The following PTPRZ1 variants were observed in gnomAD, a reference collection of about 807,000 sequenced individuals.
PTPRZ1 encodes the protein receptor-type tyrosine-protein phosphatase zeta.
PTPRZ1 carries 82 observed loss-of-function variants against 214.1 expected under a neutral mutation model. The ratio of observed to expected loss-of-function variants is 0.38; its 90% CI spans 0.32 to 0.46. PTPRZ1 has a LOEUF of 0.46. PTPRZ1 is among the 20% of genes least tolerant of loss of function. The pLI, the probability that PTPRZ1 is intolerant of heterozygous loss-of-function variation, is 1.00. For synonymous variants in PTPRZ1, 945 were observed against 987.9 expected (o/e 0.96, Z 0.81); for missense variants, 2,603 against 2,748.7 (o/e 0.95, Z 1.19).
intron 25 of PTPRZ1, 47 bp from the exon 26 acceptor site, chr7:122,053,863 T>C: frequency 6.2e-7 from 1 of 1,603,776 alleles, no homozygotes; most frequent in Non-Finnish European, 8.5e-7. Context: ...TCTGAATGTT[T>C]AAAGGCATAC....
At chr7:121,970,646 GTTGT>G (rs1390310235) in intron 3 of PTPRZ1, among the ~76,000 whole-genome samples, 5 of 152,108 alleles carry the variant, frequency 3.3e-5, no homozygotes, top group African/African-American at 9.7e-5. Context: ...TTTTGATGGG[GTTGT>G]TTGTTTTTTT....
chr7:122,051,650 T>C (rs907320891), intron 24 of PTPRZ1, 129 bp downstream of exon 24: 2 of 874,650 alleles, frequency 2.3e-6, no homozygotes, highest in Non-Finnish European at 3.6e-6. Context: ...TTGTCCAATA[T>C]GTAACTGTTC....
At chr7:122,043,727 G>A (rs1324128361) in intron 22 of PTPRZ1, among the ~76,000 whole-genome samples, 2 of 152,094 alleles carry the variant, frequency 1.3e-5, no homozygotes, top group East Asian at 1.9e-4. Context: ...GAGACATAGA[G>A]GGGAACAACA....
At chr7:122,024,683 T>C (rs533369772) in intron 13 of PTPRZ1, among the ~76,000 whole-genome samples, 1 of 152,298 alleles carries the variant, frequency 6.6e-6, no homozygotes, top group South Asian at 2.1e-4. Flanking sequence ...TTGGGCTACT[T>C]ATTTTCTAGA....
chr7:122,000,646 C>CATATATATATATATATAT (rs60953788), intron 10 of PTPRZ1, among the ~76,000 whole-genome samples: 1 of 51,688 alleles, frequency 1.9e-5, no homozygotes, highest in Non-Finnish European at 3.3e-5. Context: ...TGATAGATTT[C>CATATATATATATATATAT]ATATATATAT....
chr7:121,954,163 C>A (rs1563035008), intron 2 of PTPRZ1, among the ~76,000 whole-genome samples: 1 of 152,210 alleles, frequency 6.6e-6, no homozygotes, highest in Non-Finnish European at 1.5e-5. Context: ...AACCTTCTAA[C>A]TGACCTATCT....
chr7:122,035,638 G>C (rs887737638), intron 17 of PTPRZ1, among the ~76,000 whole-genome samples: 11 of 152,286 alleles, frequency 7.2e-5, no homozygotes, highest in Middle Eastern at 3.4e-3. Flanking sequence ...AGGTCACCCT[G>C]ACATTGAGAC....
chr7:121,952,588 AAAAAGAAAAG>A (rs148462260), intron 2 of PTPRZ1, among the ~76,000 whole-genome samples: 6,134 of 152,108 alleles, frequency 0.04, 140 homozygotes, highest in East Asian at 0.085. Flanking sequence ...CTGTCTCAAA[AAAAAGAAAAG>A]AAAAGAAAAG....
chr7:121,943,399 G>T (rs1206269176), intron 2 of PTPRZ1, among the ~76,000 whole-genome samples: 1 of 152,002 alleles, frequency 6.6e-6, no homozygotes, highest in African/African-American at 2.4e-5. Flanking sequence ...GCAGTGGCGC[G>T]ATCTCGGCTC....
Position 122,011,326 on chromosome 7 carries a change from A to G in PTPRZ1, c.2280A>G (p.Gln760=). 2 of 1,614,112 alleles carry G rather than the reference A, an allele frequency of 1.2e-6. No individual in the cohort carries two copies. The highest frequency in any genetic ancestry group is 2.2e-5 in the South Asian group (2 of 91,078). ...QPVYNGETPL[Q]PSYSSEVFPL... is the part of the protein sequence containing the mutation. Reference sequence around the variant, plus strand: ...TATACAATGGTGAGACACCTCTTCAACCTTCCTACAGTAGTGAAGTCTTTC... The same window carrying G: ...TATACAATGGTGAGACACCTCTTCAGCCTTCCTACAGTAGTGAAGTCTTTC... The change falls in exon 12 of 30, where the codon CAA becomes CAG. Residue 760 remains glutamine, a synonymous_variant. Coordinates refer to ENST00000393386, the MANE Select transcript of PTPRZ1 (RefSeq NM_002851.3).
intron 26 of PTPRZ1, among the ~76,000 whole-genome samples, 182 bp from the exon 27 acceptor site, chr7:122,054,759 G>A (rs543292540): frequency 6.6e-6 from 1 of 151,978 alleles, no homozygotes; most frequent in South Asian, 2.1e-4. Context: ...TCCTAAGTGT[G>A]ATATTTTATT....
chr7:122,033,726 C>T, intron 15 of PTPRZ1: 1 of 184,950 alleles, frequency 5.4e-6, no homozygotes, highest in Non-Finnish European at 1.1e-5. Context: ...TTCAGAGTTT[C>T]AAATAGTGCT....
At chr7:122,053,566 T>C (rs1401805951) in intron 25 of PTPRZ1, among the ~76,000 whole-genome samples, 2 of 152,172 alleles carry the variant, frequency 1.3e-5, no homozygotes, top group African/African-American at 2.4e-5. Flanking sequence ...TACAAGATGA[T>C]AGGTAACCTT....
chr7:122,032,862 T>C (rs1799423741), intron 15 of PTPRZ1, among the ~76,000 whole-genome samples: 1 of 152,154 alleles, frequency 6.6e-6, no homozygotes, highest in African/African-American at 2.4e-5. Flanking sequence ...AATAATTACA[T>C]GTCTAAAACA....
rs761923383 is a variant in PTPRZ1, at chr7:122,061,210, CTTTAG to C, written c.6943_6947del (p.Val2315ThrfsTer31). 10 of 1,596,816 alleles carry C rather than the reference CTTTAG, an allele frequency of 6.3e-6. No individual in the cohort carries two copies. The highest frequency in any genetic ancestry group is 8.5e-6 in the Non-Finnish European group (10 of 1,170,166). ...GGAAATATAGCTGAGAGCTTAGAGTCTTTAGTTTAACACAGAAAGGGGTGGGGGAA... is the reference window on the plus strand; with the variant it reads ...GGAAATATAGCTGAGAGCTTAGAGTCTTTAACACAGAAAGGGGTGGGGGAA... On this transcript the variant is annotated frameshift_variant, in exon 30 of 30. Coordinates refer to ENST00000393386, the MANE Select transcript of PTPRZ1 (RefSeq NM_002851.3). LOFTEE classifies it high-confidence loss of function.
chr7:121,928,134 A>C (rs370445693), intron 1 of PTPRZ1, 22 bp from the exon 2 acceptor site: 1 of 1,558,256 alleles, frequency 6.4e-7, no homozygotes, highest in Non-Finnish European at 8.8e-7. Context: ...CATACTGATT[A>C]CTTGGTTTTT....
intron 12 of PTPRZ1, among the ~76,000 whole-genome samples, chr7:122,017,059 T>C (rs1798864483): frequency 6.6e-6 from 1 of 152,132 alleles, no homozygotes; most frequent in African/African-American, 2.4e-5. Context: ...GAAAATCTGA[T>C]ATAGATAATA....
intron 1 of PTPRZ1, among the ~76,000 whole-genome samples, chr7:121,918,841 T>G (rs544490833): frequency 4.4e-4 from 38 of 86,200 alleles, no homozygotes; most frequent in African/African-American, 2.5e-3. Context: ...TTATATCATG[T>G]ATATTTCAAA....
intron 13 of PTPRZ1, among the ~76,000 whole-genome samples, chr7:122,024,883 C>T (rs773213171): frequency 6.6e-5 from 10 of 152,130 alleles, no homozygotes; most frequent in Non-Finnish European, 1.3e-4. Context: ...CATCCTCTAT[C>T]GATCCATCTG....
Sources: allele counts gnomAD v4.1 joint callset (sites outside exome capture counted in the v4.1 genomes callset), GRCh38; gene constraint gnomAD v4.1.1; transcripts MANE v1.5; gene names NCBI Gene and HGNC (gene_info 2026-07-23, HGNC 2026-07-21).